Variants in NPHP1 observed in about 807,000 individuals in gnomAD.
The protein encoded by NPHP1 is nephrocystin-1.
NPHP1 carries 70 observed loss-of-function variants against 90.4 expected under a neutral mutation model. That is an observed-to-expected ratio of 0.77 (90% CI 0.64 to 0.95). NPHP1 has a LOEUF of 0.95. Among genes scored for constraint, NPHP1 ranks in the 40% least tolerant of loss-of-function variants. The pLI is 0.00. For missense variants in NPHP1, 764 were observed against 795.9 expected, an observed-to-expected ratio of 0.96 and a Z score of 0.48; for synonymous variants, 256 against 271.7, an observed-to-expected ratio of 0.94 and a Z score of 0.57.
At chr2:110,137,757 G>T (rs1206932659) in intron 16 of NPHP1, among the ~76,000 whole-genome samples, 1 of 151,356 alleles carries the variant, frequency 6.6e-6, no homozygotes, top group Non-Finnish European at 1.5e-5. Context: ...CATTGTGGAA[G>T]TCAGTGTGGT....
chr2:110,164,228 G>A (rs1344631878), intron 8 of NPHP1: 7 of 404,676 alleles, frequency 1.7e-5, no homozygotes, highest in Non-Finnish European at 2.3e-5. Context: ...TGTAGGATAG[G>A]GTCTCACTAT....
intron 17 of NPHP1, 89 bp from the exon 18 acceptor site, chr2:110,129,348 T>A: frequency 1.0e-6 from 1 of 964,218 alleles, no homozygotes; most frequent in Non-Finnish European, 1.7e-6. Context: ...AGATGAAAAT[T>A]ATTGTGCCAA....
In NPHP1 at chr2:110,168,584, A is replaced by C. The variant is rs369406624; in HGVS notation, c.523-31T>G. The C allele has an allele frequency of 1.0e-4, 141 of 1,379,094 alleles. 1 individual carries two copies. The highest frequency in any genetic ancestry group is 1.3e-4 in the Non-Finnish European group (122 of 966,314). The allele number at this position is 1,379,094 out of a possible 1,614,324, so 85.4% of individuals were successfully genotyped here. ...AGCAAAACAAAGTAAACCATTTTAA[A>C]TAAAATTCAATAATCATGAGTATAT... is the stretch of plus-strand genomic sequence containing the variant. On this transcript the variant is annotated intron_variant, in intron 5 of 19. Transcript: ENST00000445609.
chr2:110,148,235 A>T (rs1016441352), intron 12 of NPHP1, among the ~76,000 whole-genome samples: 11 of 151,672 alleles, frequency 7.3e-5, no homozygotes, highest in African/African-American at 2.7e-4. Flanking sequence ...TTCTCAGGAG[A>T]TCAGTTTTTT....
chr2:110,126,586 A>G (rs1387515444), intron 18 of NPHP1: 1 of 152,592 alleles, frequency 6.6e-6, no homozygotes, highest in African/African-American at 2.4e-5. Context: ...ATGGGTCCTT[A>G]GGAGTTTGAA....
intron 2 of NPHP1, chr2:110,184,068 G>T: frequency 1.9e-6 from 1 of 520,242 alleles, no homozygotes; most frequent in South Asian, 1.4e-5. Flanking sequence ...GGAGTCTTAC[G>T]ATACAATCAC....
At chr2:110,168,347 C>G in intron 6 of NPHP1, 105 bp downstream of exon 6, 1 of 768,928 alleles carries the variant, frequency 1.3e-6, no homozygotes, top group Non-Finnish European at 2.3e-6. Context: ...AATTCTATAT[C>G]TCAAGTCATT....
In NPHP1 at chr2:110,144,623, A is replaced by C. The variant is rs796989159; in HGVS notation, c.1353-54T>G. 44 of 1,024,340 alleles carry C rather than the reference A, an allele frequency of 4.3e-5. No homozygotes were observed. The African/African-American group carries it at 6.1e-4, about 14-fold the overall frequency. The allele number at this position is 1,024,340 out of a possible 1,614,324, so 63.5% of individuals were successfully genotyped here. A position where few individuals can be genotyped will look rare whatever the true frequency, so the allele number is the denominator to read the frequency against. On this transcript the variant is annotated intron_variant, in intron 14 of 19. Transcript: ENST00000445609. ...TATAAGCTGTGGGCATGTAGAAAAC[A>C]CTGGAGTCAGTAGTTAAATATTTTT...
intron 6 of NPHP1, 33 bp downstream of exon 6, chr2:110,168,419 T>C: frequency 2.3e-6 from 3 of 1,320,292 alleles, no homozygotes; most frequent in Admixed American, 3.7e-5. Context: ...AAAAAAAAAG[T>C]CTTAGAAAAG....
At chr2:110,139,676 C>T (rs1680489774) in intron 16 of NPHP1, among the ~76,000 whole-genome samples, 1 of 152,150 alleles carries the variant, frequency 6.6e-6, no homozygotes, top group African/African-American at 2.4e-5. Flanking sequence ...GCTTTCTGCC[C>T]TTGGCCTTGT....
intron 11 of NPHP1, among the ~76,000 whole-genome samples, chr2:110,158,046 T>C (rs1682036496): frequency 6.6e-6 from 1 of 152,188 alleles, no homozygotes; most frequent in African/African-American, 2.4e-5. Flanking sequence ...TCCCATGAAA[T>C]TTCCTTTTAA....
intron 2 of NPHP1, among the ~76,000 whole-genome samples, chr2:110,185,721 G>A (rs1440529058): frequency 1.3e-5 from 2 of 152,140 alleles, no homozygotes; most frequent in East Asian, 3.9e-4. Flanking sequence ...GGTTTGGGAG[G>A]CTAGAAAAGC....
chr2:110,165,234 A>C, intron 6 of NPHP1, 79 bp from the exon 7 acceptor site: 1 of 1,058,048 alleles, frequency 9.5e-7, no homozygotes, highest in Non-Finnish European at 1.5e-6. Context: ...CTGCCACCTA[A>C]CCCTCCAGTA....
At chr2:110,182,151 C>T (rs913539336) in intron 2 of NPHP1, among the ~76,000 whole-genome samples, 8 of 151,906 alleles carry the variant, frequency 5.3e-5, no homozygotes, top group Non-Finnish European at 7.4e-5. Context: ...AGACCAAACC[C>T]GTGACTTATT....
chr2:110,134,162 GA>G (rs1259419646), intron 16 of NPHP1, among the ~76,000 whole-genome samples: 2 of 151,838 alleles, frequency 1.3e-5, no homozygotes, highest in African/African-American at 4.8e-5. Flanking sequence ...TGAAAGAGGG[GA>G]TATTACTATT....
chr2:110,172,962 C>CTTTTTTTTTTTT (rs559012343), intron 4 of NPHP1, among the ~76,000 whole-genome samples: 3 of 136,096 alleles, frequency 2.2e-5, no homozygotes, highest in Non-Finnish European at 3.1e-5. Context: ...TTTTCTTTTT[C>CTTTTTTTTTTTT]TTTTTTTTTT....
At chr2:110,133,168 A>C (rs895210225) in intron 16 of NPHP1, among the ~76,000 whole-genome samples, 1 of 152,022 alleles carries the variant, frequency 6.6e-6, no homozygotes, top group Admixed American at 6.5e-5. Context: ...TAAGAGACTC[A>C]CGGTAGACTT....
intron 11 of NPHP1, among the ~76,000 whole-genome samples, chr2:110,150,669 C>G (rs563249238): frequency 2.0e-4 from 30 of 151,878 alleles, no homozygotes; most frequent in Non-Finnish European, 3.4e-4. Flanking sequence ...CCTGCCTCAG[C>G]CTCCCAAGTA....
At chr2:110,135,757 C>G (rs562204363) in intron 16 of NPHP1, among the ~76,000 whole-genome samples, 1 of 152,038 alleles carries the variant, frequency 6.6e-6, no homozygotes, top group Non-Finnish European at 1.5e-5. Context: ...AGAAAAATCA[C>G]CAAAGATTTA....
Sources: allele counts gnomAD v4.1 joint callset (sites outside exome capture counted in the v4.1 genomes callset), GRCh38; gene constraint gnomAD v4.1.1; transcripts MANE v1.5; gene names NCBI Gene and HGNC (gene_info 2026-07-23, HGNC 2026-07-21).